The following GALNTL6 variants were observed in gnomAD, a reference collection of about 807,000 sequenced individuals.
GALNTL6 encodes the protein polypeptide N-acetylgalactosaminyltransferase like 6, also known as polypeptide N-acetylgalactosaminyltransferase-like 6.
A neutral mutation model predicts 73.7 loss-of-function variants in GALNTL6; 46 were observed. That is an observed-to-expected ratio of 0.62 (90% CI 0.49 to 0.80). GALNTL6 has a LOEUF of 0.80. Among genes scored for constraint, GALNTL6 ranks in the 30% least tolerant of loss-of-function variants. The pLI, the probability that GALNTL6 is intolerant of heterozygous loss-of-function variation, is 0.00. For synonymous variants in GALNTL6, 259 were observed against 263.7 expected (o/e 0.98, Z 0.17); for missense variants, 604 against 755.0 (o/e 0.80, Z 2.34).
chr4:171,833,155 T>C (rs1735021851), intron 2 of GALNTL6, among the ~76,000 whole-genome samples: 1 of 151,804 alleles, frequency 6.6e-6, no homozygotes, highest in African/African-American at 2.4e-5. Context: ...TAGGGTATAG[T>C]ATTAAAAGCA....
chr4:172,670,553 T>C (rs1003050786), intron 5 of GALNTL6, among the ~76,000 whole-genome samples: 1 of 152,170 alleles, frequency 6.6e-6, no homozygotes, highest in Admixed American at 6.5e-5. Context: ...ATATTAGACA[T>C]TTGTCAGATG....
intron 5 of GALNTL6, among the ~76,000 whole-genome samples, chr4:172,467,824 T>TTC (rs1732881601): frequency 6.8e-6 from 1 of 147,494 alleles, no homozygotes; most frequent in Non-Finnish European, 1.5e-5. Flanking sequence ...CTTTCTTTCT[T>TTC]TCTTTCTTTC....
At chr4:172,803,308 A>G (rs1253612894) in intron 5 of GALNTL6, among the ~76,000 whole-genome samples, 1 of 152,176 alleles carries the variant, frequency 6.6e-6, no homozygotes, top group Non-Finnish European at 1.5e-5. Context: ...CTCCTGTCAG[A>G]TCAGCAGTGC....
chr4:172,418,146 G>A (rs867698255), intron 5 of GALNTL6, among the ~76,000 whole-genome samples: 1 of 152,002 alleles, frequency 6.6e-6, no homozygotes, highest in Non-Finnish European at 1.5e-5. Context: ...GCCAAATTGG[G>A]GTAGGTGATG....
chr4:171,980,509 T>C (rs148269953), intron 2 of GALNTL6, among the ~76,000 whole-genome samples: 1 of 152,338 alleles, frequency 6.6e-6, no homozygotes, highest in East Asian at 1.9e-4. Context: ...ACAAAAAGTC[T>C]GCATGTAAAT....
intron 5 of GALNTL6, among the ~76,000 whole-genome samples, chr4:172,403,670 G>T (rs1481574889): frequency 6.6e-6 from 1 of 151,942 alleles, no homozygotes; most frequent in Non-Finnish European, 1.5e-5. Flanking sequence ...TATTTGCATA[G>T]ACACATATAC....
At chr4:172,522,973 C>T (rs553640232) in intron 5 of GALNTL6, among the ~76,000 whole-genome samples, 1 of 152,124 alleles carries the variant, frequency 6.6e-6, no homozygotes, top group Non-Finnish European at 1.5e-5. Context: ...TAGCCAATTC[C>T]TGTCTTCCAT....
intron 10 of GALNTL6, 54 bp downstream of exon 10, chr4:172,952,312 C>A: frequency 1.5e-6 from 2 of 1,309,576 alleles, no homozygotes; most frequent in South Asian, 1.2e-5. Context: ...TGTGCCTCCC[C>A]CATAGCCTCA....
intron 7 of GALNTL6, among the ~76,000 whole-genome samples, chr4:172,854,539 G>C (rs1744023807): frequency 6.6e-6 from 1 of 152,068 alleles, no homozygotes; most frequent in Non-Finnish European, 1.5e-5. Flanking sequence ...TCTCCTGACA[G>C]AGACAGTTTC....
chr4:171,970,962 C>G (rs1347273920), intron 2 of GALNTL6, among the ~76,000 whole-genome samples: 1 of 152,158 alleles, frequency 6.6e-6, no homozygotes, highest in Admixed American at 6.5e-5. Flanking sequence ...TGAAATCTGA[C>G]TTTATACCTC....
intron 5 of GALNTL6, among the ~76,000 whole-genome samples, chr4:172,806,802 G>A (rs1194648386): frequency 1.3e-5 from 2 of 152,154 alleles, no homozygotes; most frequent in African/African-American, 4.8e-5. Flanking sequence ...CTATTTCCAT[G>A]AGACAATATC....
chr4:172,182,761 T>G (rs115816764), intron 2 of GALNTL6, among the ~76,000 whole-genome samples: 2,172 of 152,006 alleles, frequency 0.014, 56 homozygotes, highest in African/African-American at 0.05. Flanking sequence ...ATAAAAAAAT[T>G]TATTATGACA....
chr4:172,162,537 C>T (rs1305052411), intron 2 of GALNTL6, among the ~76,000 whole-genome samples: 1 of 151,752 alleles, frequency 6.6e-6, no homozygotes, highest in Non-Finnish European at 1.5e-5. Context: ...CTAAGGGGGT[C>T]ACGAGGAAAC....
At chr4:172,069,749 T>C (rs1731498114) in intron 2 of GALNTL6, among the ~76,000 whole-genome samples, 1 of 101,862 alleles carries the variant, frequency 9.8e-6, no homozygotes, top group African/African-American at 3.9e-5. Flanking sequence ...GATTTGATAT[T>C]TGCCTTGAGT....
rs993429111 is a variant in GALNTL6, at chr4:173,040,199, A to G, written c.*99A>G. The G allele has an allele frequency of 6.1e-5, 55 of 902,120 alleles. No homozygotes were observed. Among genetic ancestry groups the G allele is most frequent in the Non-Finnish European group, 8.7e-5 (53 of 609,590 alleles). The allele number at this position is 902,120 out of a possible 1,614,324, so 55.9% of individuals were successfully genotyped here. A position where few individuals can be genotyped will look rare whatever the true frequency, so the allele number is the denominator to read the frequency against. On this transcript the variant is annotated 3_prime_UTR_variant, in exon 13 of 13. Transcript: ENST00000506823. ...GTCAGGAATAACATTTCCTCGATCC[A>G]GGAAGGCTGGTTTAAAAATTTGCAA...
intron 2 of GALNTL6, among the ~76,000 whole-genome samples, chr4:171,865,701 A>G (rs565382810): frequency 9.3e-4 from 141 of 152,354 alleles, no homozygotes; most frequent in African/African-American, 3.2e-3. Context: ...TTAGATGCCA[A>G]AAGAAAATAT....
intron 2 of GALNTL6, among the ~76,000 whole-genome samples, chr4:172,165,454 T>G (rs1579202694): frequency 6.6e-6 from 1 of 152,126 alleles, no homozygotes; most frequent in Non-Finnish European, 1.5e-5. Flanking sequence ...CTCAAAAGAC[T>G]TATCAGTGTC....
At chr4:172,560,527 AG>A (rs1360379214) in intron 5 of GALNTL6, among the ~76,000 whole-genome samples, 1 of 152,138 alleles carries the variant, frequency 6.6e-6, no homozygotes, top group East Asian at 1.9e-4. Context: ...CATTTGCAGA[AG>A]GTTGTGGGTT....
At chr4:172,715,297 C>T (rs1174346756) in intron 5 of GALNTL6, among the ~76,000 whole-genome samples, 1 of 152,106 alleles carries the variant, frequency 6.6e-6, no homozygotes, top group Non-Finnish European at 1.5e-5. Flanking sequence ...TGTATGCACA[C>T]ACACAAGTAT....
Sources: allele counts gnomAD v4.1 joint callset (sites outside exome capture counted in the v4.1 genomes callset), GRCh38; gene constraint gnomAD v4.1.1; transcripts MANE v1.5; gene names NCBI Gene and HGNC (gene_info 2026-07-23, HGNC 2026-07-21).